Variants in MCC observed in about 807,000 individuals in gnomAD.
MCC encodes the protein MCC regulator of Wnt signaling pathway, also known as colorectal mutant cancer protein.
MCC carries 90 observed loss-of-function variants against 116.2 expected under a neutral mutation model. That is an observed-to-expected ratio of 0.77 (90% CI 0.65 to 0.92). The LOEUF (loss-of-function observed/expected upper bound fraction) is 0.92, where lower values mean the gene tolerates loss of function less well. MCC is among the 40% of genes least tolerant of loss of function. The pLI is 0.00. For synonymous variants in MCC, 578 were observed against 510.5 expected (o/e 1.13, Z -1.78); for missense variants, 1,516 against 1,312.2 (o/e 1.16, Z -2.40).
intron 3 of MCC, among the ~76,000 whole-genome samples, chr5:113,229,473 A>T (rs890936810): frequency 6.6e-6 from 1 of 152,206 alleles, no homozygotes; most frequent in African/African-American, 2.4e-5. Context: ...AGGTTAGCTT[A>T]AAAAGAAAAG....
intron 11 of MCC, among the ~76,000 whole-genome samples, chr5:113,073,095 CA>C (rs1331861673): frequency 8.1e-6 from 1 of 123,848 alleles, no homozygotes; most frequent in Non-Finnish European, 1.8e-5. Flanking sequence ...TTTTTTTTTT[CA>C]GTTCATCAGC....
intron 12 of MCC, among the ~76,000 whole-genome samples, chr5:113,068,439 C>T (rs555253226): frequency 6.6e-6 from 1 of 152,252 alleles, no homozygotes; most frequent in South Asian, 2.1e-4. Flanking sequence ...GCAAATGTGT[C>T]GTCCCTTCAG....
chr5:113,337,141 A>G (rs538074040), intron 3 of MCC, among the ~76,000 whole-genome samples: 39 of 152,256 alleles, frequency 2.6e-4, no homozygotes, highest in Admixed American at 1.8e-3. Context: ...CTCCCCTGCT[A>G]GCTCTTGTGG....
intron 3 of MCC, among the ~76,000 whole-genome samples, chr5:113,292,356 G>A (rs1766532639): frequency 6.6e-6 from 1 of 152,040 alleles, no homozygotes; most frequent in Non-Finnish European, 1.5e-5. Context: ...CCTAAAACTG[G>A]CTCGAAAGCA....
intron 1 of MCC, among the ~76,000 whole-genome samples, chr5:113,484,970 T>C (rs1772477108): frequency 6.6e-6 from 1 of 152,146 alleles, no homozygotes; most frequent in Non-Finnish European, 1.5e-5. Flanking sequence ...TCCAGCGGGG[T>C]CCCAGCCGCA....
chr5:113,231,769 G>C (rs1244240907), intron 3 of MCC, among the ~76,000 whole-genome samples: 1 of 152,148 alleles, frequency 6.6e-6, no homozygotes, highest in Non-Finnish European at 1.5e-5. Flanking sequence ...TGAACTTTGA[G>C]ACAAATATCA....
chr5:113,477,900 G>C (rs1006550548), intron 1 of MCC, among the ~76,000 whole-genome samples: 3 of 152,128 alleles, frequency 2.0e-5, no homozygotes, highest in Admixed American at 6.5e-5. Context: ...AATGTAACTA[G>C]GCTTGCAAAG....
chr5:113,346,679 C>T (rs1256588044), intron 2 of MCC, among the ~76,000 whole-genome samples: 6 of 151,864 alleles, frequency 4.0e-5, no homozygotes, highest in Non-Finnish European at 8.8e-5. Context: ...TATCAGAGAA[C>T]TTCTCAAACC....
chr5:113,231,594 C>T (rs1763942860), intron 3 of MCC, among the ~76,000 whole-genome samples: 1 of 152,128 alleles, frequency 6.6e-6, no homozygotes, highest in Non-Finnish European at 1.5e-5. Flanking sequence ...TGAGCTTTCT[C>T]ATTAATCCTC....
chr5:113,090,365 A>G (rs1177014448), intron 8 of MCC, among the ~76,000 whole-genome samples: 1 of 152,150 alleles, frequency 6.6e-6, no homozygotes, highest in African/African-American at 2.4e-5. Flanking sequence ...AAAGAAAAAA[A>G]AAAAGGAAGC....
At chr5:113,185,169 T>C (rs1761839542) in intron 3 of MCC, among the ~76,000 whole-genome samples, 1 of 152,114 alleles carries the variant, frequency 6.6e-6, no homozygotes, top group Non-Finnish European at 1.5e-5. Flanking sequence ...TCATCCAACT[T>C]TGGATCCTGA....
In MCC at chr5:113,086,256, C is replaced by G. The variant is rs554201676; in HGVS notation, c.1399-946G>C. Among the ~76,000 whole-genome samples, 3 of 152,016 alleles carry G rather than the reference C, an allele frequency of 2.0e-5. No homozygotes were observed. The East Asian group carries it at 5.8e-4, about 29-fold the overall frequency. On this transcript the variant is annotated intron_variant, in intron 8 of 18. Coordinates refer to ENST00000408903, the MANE Select transcript of MCC (RefSeq NM_001085377.2). ...CTGAATGAAGACAGTGGTACTTGAGCAATCTTAAAGGAGAACAAGTGAGGA... is the reference window on the plus strand; with the variant it reads ...CTGAATGAAGACAGTGGTACTTGAGGAATCTTAAAGGAGAACAAGTGAGGA...
At chr5:113,062,708 G>C (rs973291050) in intron 14 of MCC, among the ~76,000 whole-genome samples, 8 of 152,356 alleles carry the variant, frequency 5.3e-5, no homozygotes, top group South Asian at 2.1e-4. Context: ...CACTGAATGA[G>C]ACAATTGTTG....
intron 5 of MCC, among the ~76,000 whole-genome samples, chr5:113,133,207 A>G (rs1405654039): frequency 2.0e-5 from 3 of 152,232 alleles, no homozygotes; most frequent in South Asian, 4.2e-4. Context: ...TAGTCACTCT[A>G]TTGAATTATC....
intron 2 of MCC, among the ~76,000 whole-genome samples, chr5:113,355,753 T>C (rs926382745): frequency 6.6e-6 from 1 of 152,046 alleles, no homozygotes; most frequent in African/African-American, 2.4e-5. Flanking sequence ...ATCATAAGGC[T>C]CCACCCCACG....
chr5:113,384,814 C>G lies in MCC; in HGVS notation c.415+154G>C, dbSNP rs1460660264. On this transcript the variant is annotated intron_variant, in intron 2 of 18. Coordinates refer to ENST00000408903, the MANE Select transcript of MCC (RefSeq NM_001085377.2). ...AGCCATCAGACAGAACTGGGGGAAA[C>G]AGTGAGCACTCCCCCAGGGAAAGTG... 3.9e-5 allele frequency among the ~76,000 whole-genome samples: 6 copies of G among 152,260 alleles called. No individual in the cohort carries two copies. In the Middle Eastern group the frequency reaches 0.014, roughly 345 times the overall value.
chr5:113,220,519 T>G (rs867653013), intron 3 of MCC, among the ~76,000 whole-genome samples: 1 of 152,212 alleles, frequency 6.6e-6, no homozygotes, highest in Middle Eastern at 3.2e-3. Context: ...TTTGTATTTT[T>G]TAGTGCACGA....
Position 113,385,172 on chromosome 5 carries a change from C to T in MCC, c.211G>A (p.Glu71Lys). 6.2e-7 allele frequency: 1 copy of T among 1,614,098 alleles called. No individual in the cohort carries two copies. The highest frequency in any genetic ancestry group is 8.5e-7 in the Non-Finnish European group (1 of 1,180,028). Residue 71 changes from glutamate (E) to lysine (K), a missense_variant, in exon 2 of 19, where the codon GAG becomes AAG. Glu to Lys is a moderately conservative substitution (Grantham distance 56). Transcript: ENST00000408903. ...TGGTTCATGATCTCAGCCACAGACT[C>T]TTCCATATTCAGCTGGCGACAGACC... ...LMVCRQLNMEESVAEIMNQLG... is the reference protein window; with the variant it reads ...LMVCRQLNMEKSVAEIMNQLG...
chr5:113,290,545 T>G (rs1294234002), intron 3 of MCC, among the ~76,000 whole-genome samples: 1 of 152,230 alleles, frequency 6.6e-6, no homozygotes, highest in African/African-American at 2.4e-5. Flanking sequence ...TCTGCAAGAA[T>G]AAGTAAAGTC....
Sources: gnomAD v4.1 joint callset for allele counts (sites outside exome capture counted in the v4.1 genomes callset) on GRCh38, gnomAD v4.1.1 for gene constraint, MANE v1.5 for transcripts, NCBI Gene and HGNC (gene_info 2026-07-23, HGNC 2026-07-21) for gene names.